RNGTT: variants seen among roughly 807,000 people sequenced by gnomAD.
RNGTT encodes the protein RNA guanylyltransferase and 5'-phosphatase.
RNGTT carries 33 observed loss-of-function variants against 79.3 expected under a neutral mutation model. The ratio of observed to expected loss-of-function variants is 0.42; its 90% CI spans 0.32 to 0.56. The LOEUF is 0.56. Ranked by LOEUF, RNGTT falls within the 20% of genes least tolerant of loss-of-function variation. The pLI is 0.17. For synonymous variants in RNGTT, 222 were observed against 235.9 expected (o/e 0.94, Z 0.54); for missense variants, 497 against 739.1 (o/e 0.67, Z 3.80).
intron 12 of RNGTT, among the ~76,000 whole-genome samples, chr6:88,775,084 T>G (rs1027378314): frequency 2.0e-5 from 3 of 152,186 alleles, no homozygotes; most frequent in African/African-American, 7.2e-5. Flanking sequence ...TGGAATGCAT[T>G]TACTCAACAG....
Position 88,891,708 on chromosome 6 carries a change from A to T in RNGTT, c.794+98T>A, listed in dbSNP as rs568254186. On this transcript the variant is annotated intron_variant, in intron 7 of 15. Coordinates refer to ENST00000369485, the MANE Select transcript of RNGTT (RefSeq NM_003800.5). The stretch of plus-strand genomic sequence containing the variant: ...ACCTTTAAAGTATTCTATTGCAAAC[A>T]TACTAACTTCAAGGAGCCAAGAAGA... 8.9e-6 allele frequency: 6 copies of T among 677,382 alleles called. No homozygotes were observed. The African/African-American group carries it at 1.1e-4, about 13-fold the overall frequency. 42.0% of individuals were successfully genotyped at this position (677,382 alleles called of 1,614,324 possible). A position where few individuals can be genotyped will look rare whatever the true frequency, so the allele number is the denominator to read the frequency against.
At position 88,812,805 on chromosome 6, in the gene RNGTT, T is replaced by C. The variant is rs903501360; in HGVS notation, c.1270-11173A>G. Reference sequence around the variant, plus strand: ...AATATGGACCTAAATACACATAAAATAGTTTTTTTACCTTAAATGCTTTCA... The same window carrying C: ...AATATGGACCTAAATACACATAAAACAGTTTTTTTACCTTAAATGCTTTCA... On this transcript the variant is annotated intron_variant, in intron 11 of 15. Coordinates refer to ENST00000369485, the MANE Select transcript of RNGTT (RefSeq NM_003800.5). Among the ~76,000 whole-genome samples, 3 of 152,230 alleles carry C rather than the reference T, an allele frequency of 2.0e-5. No homozygotes were observed. The East Asian group carries it at 5.8e-4, about 29-fold the overall frequency.
At chr6:88,821,338 A>G (rs751541232) in intron 11 of RNGTT, among the ~76,000 whole-genome samples, 1 of 152,200 alleles carries the variant, frequency 6.6e-6, no homozygotes, top group Non-Finnish European at 1.5e-5. Flanking sequence ...GTCTGCTTAG[A>G]AACACTAAAG....
In RNGTT at chr6:88,748,205, T is replaced by C. The variant is rs556584612; in HGVS notation, c.1439+21569A>G. Among the ~76,000 whole-genome samples the C allele has an allele frequency of 3.3e-5, 5 of 152,234 alleles. No individual in the cohort carries two copies. The South Asian group carries it at 8.3e-4, about 25-fold the overall frequency. ...AAAAAGTCAAATCGAATGTCAGTTATCATCCTGAAACCCAGCAATGCCTCC... is the reference window on the plus strand; with the variant it reads ...AAAAAGTCAAATCGAATGTCAGTTACCATCCTGAAACCCAGCAATGCCTCC... On this transcript the variant is annotated intron_variant, in intron 13 of 15. Coordinates refer to ENST00000369485, the MANE Select transcript of RNGTT (RefSeq NM_003800.5).
At position 88,678,392 on chromosome 6, in the gene RNGTT, C is replaced by A; in HGVS notation, c.1467G>T (p.Leu489=). 1 of 1,470,268 alleles carries A rather than the reference C, an allele frequency of 6.8e-7. No individual in the cohort carries two copies. The highest frequency in any genetic ancestry group is 1.6e-5 in the South Asian group (1 of 64,308). The allele number at this position is 1,470,268 out of a possible 1,614,324, so 91.1% of individuals were successfully genotyped here. ...AGGGTCTTTCATAACCTCCAACATA[C>A]AGGAGGCCAACATTCTGAGGAAGTA... ...EGLLPQNVGL[L]YVGGYERPFA... The change falls in exon 14 of 16, where the codon CTG becomes CTT. Residue 489 remains leucine (L), a synonymous_variant. Coordinates refer to ENST00000369485, the MANE Select transcript of RNGTT (RefSeq NM_003800.5).
Position 88,614,344 on chromosome 6 carries a change from C to G in RNGTT, c.1558G>C (p.Glu520Gln). ...CTCATGAAGACCCAGCTGTTGTTCT[C>G]AAATTTGCATTCTATAATTTTGTTG... ...YDNKIIECKF[E>Q]NNSWVFMRQR... The change falls in exon 15 of 16, where the codon GAG (glutamate) becomes CAG (glutamine). Residue 520 changes from glutamate (E) to glutamine (Q), a missense_variant. Glu to Gln is a conservative substitution (Grantham distance 29). This residue lies in a region of RNGTT where 440 missense variants were observed against 671.5 expected (regional missense o/e 0.66). Transcript: ENST00000369485. The G allele has an allele frequency of 6.2e-7, 1 of 1,613,746 alleles. No individual in the cohort carries two copies. Among genetic ancestry groups the G allele is most frequent in the South Asian group, 1.1e-5 (1 of 91,062 alleles).
intron 13 of RNGTT, among the ~76,000 whole-genome samples, chr6:88,699,022 T>C (rs999238055): frequency 5.3e-5 from 8 of 152,196 alleles, no homozygotes; most frequent in African/African-American, 1.9e-4. Context: ...AGGATCACTC[T>C]TTATAAGTGA....
intron 14 of RNGTT, among the ~76,000 whole-genome samples, chr6:88,648,232 A>G (rs1249210578): frequency 1.3e-5 from 2 of 152,120 alleles, no homozygotes; most frequent in African/African-American, 4.8e-5. Context: ...CATCCATGGC[A>G]ATGACCATTT....
chr6:88,771,315 G>GTGTGTGTATATATA lies in RNGTT; in HGVS notation c.1339-1442_1339-1441insTATATATACACACA, dbSNP rs1303688973. ...ACTGTATGTATGTATGTGTGTGTGT[G>GTGTGTGTATATATA]TATATATATATATATATATATATAT... On this transcript the variant is annotated intron_variant, in intron 12 of 15. Coordinates refer to ENST00000369485, the MANE Select transcript of RNGTT (RefSeq NM_003800.5). 8.5e-3 allele frequency among the ~76,000 whole-genome samples: 528 copies of GTGTGTGTATATATA among 61,798 alleles called. 6 individuals are homozygous for GTGTGTGTATATATA. Among genetic ancestry groups the GTGTGTGTATATATA allele is most frequent in the Non-Finnish European group, 0.013 (431 of 33,110 alleles). 40.5% of individuals were successfully genotyped at this position (61,798 alleles called of 152,430 possible).
Position 88,612,645 on chromosome 6 carries a change from C to G in RNGTT, c.*74G>C. The G allele has an allele frequency of 1.5e-5, 19 of 1,248,408 alleles. No individual in the cohort carries two copies. Among genetic ancestry groups the G allele is most frequent in the East Asian group, 2.8e-5 (1 of 35,502 alleles). 77.3% of individuals were successfully genotyped at this position (1,248,408 alleles called of 1,614,324 possible). Reference sequence around the variant, plus strand: ...AAGCCACAGTCGTTTTTCAATTTCTCTGGCTACAAAAATGGGCAACAGCGT... The same window carrying G: ...AAGCCACAGTCGTTTTTCAATTTCTGTGGCTACAAAAATGGGCAACAGCGT... On this transcript the variant is annotated 3_prime_UTR_variant, in exon 16 of 16. Transcript: ENST00000369485.
At chr6:88,813,899 AT>A (rs1452908726) in intron 11 of RNGTT, among the ~76,000 whole-genome samples, 2 of 152,302 alleles carry the variant, frequency 1.3e-5, no homozygotes, top group Middle Eastern at 3.4e-3. Flanking sequence ...TCTTACATTC[AT>A]TGTATTTTCA....
intron 10 of RNGTT, among the ~76,000 whole-genome samples, chr6:88,844,835 C>T (rs1302363951): frequency 6.6e-6 from 1 of 152,008 alleles, no homozygotes; most frequent in African/African-American, 2.4e-5. Context: ...CACCTGTAGT[C>T]CCAGCACTTT....
At chr6:88,666,144 T>C (rs531040220) in intron 14 of RNGTT, among the ~76,000 whole-genome samples, 34 of 152,262 alleles carry the variant, frequency 2.2e-4, no homozygotes, top group African/African-American at 5.1e-4. Context: ...ATGGAACCAT[T>C]TGAATGGGGG....
chr6:88,912,005 C>T (rs1444379926), intron 4 of RNGTT, among the ~76,000 whole-genome samples: 1 of 152,018 alleles, frequency 6.6e-6, no homozygotes, highest in Non-Finnish European at 1.5e-5. Context: ...ATTGCTTGAA[C>T]CCAGGAGGTC....
chr6:88,739,725 TTATATATATATATATATATATATATATA>T (rs367967175), intron 13 of RNGTT, among the ~76,000 whole-genome samples: 4,087 of 94,154 alleles, frequency 0.043, 216 homozygotes, highest in Non-Finnish European at 0.049. Context: ...GTGAAAAAAA[TTATATATATATATATATATATATATATA>T]TATATATATA....
At position 88,714,569 on chromosome 6, in the gene RNGTT, A is replaced by T. The variant is rs1776437790; in HGVS notation, c.1440-36150T>A. Reference sequence around the variant, plus strand: ...GCCATTCTCCTGCCTCAGCCTCCCAAGTAGCTGGGACTACAGGCGCCCGCC... The same window carrying T: ...GCCATTCTCCTGCCTCAGCCTCCCATGTAGCTGGGACTACAGGCGCCCGCC... On this transcript the variant is annotated intron_variant, in intron 13 of 15. Transcript: ENST00000369485. 1.7e-5 allele frequency: 2 copies of T among 118,740 alleles called. 1 individual carries two copies. Among genetic ancestry groups the T allele is most frequent in the South Asian group, 5.1e-4 (2 of 3,892 alleles). The allele number at this position is 118,740 out of a possible 1,614,324, so 7.4% of individuals were successfully genotyped here.
At chr6:88,825,709 T>C (rs1014200321) in intron 11 of RNGTT, among the ~76,000 whole-genome samples, 1 of 152,264 alleles carries the variant, frequency 6.6e-6, no homozygotes, top group African/African-American at 2.4e-5. Flanking sequence ...TGTGTTCTAT[T>C]GGTCTTCTAC....
At chr6:88,734,808 A>G (rs901905950) in intron 13 of RNGTT, among the ~76,000 whole-genome samples, 13 of 152,168 alleles carry the variant, frequency 8.5e-5, no homozygotes, top group African/African-American at 3.1e-4. Context: ...ACAGTATTCA[A>G]TAAGCTACAT....
At chr6:88,699,188 A>C (rs1281842680) in intron 13 of RNGTT, among the ~76,000 whole-genome samples, 1 of 152,200 alleles carries the variant, frequency 6.6e-6, no homozygotes, top group Non-Finnish European at 1.5e-5. Flanking sequence ...CTCAGCAAAA[A>C]TGTGAAAAGT....
Sources: allele counts gnomAD v4.1 joint callset (sites outside exome capture counted in the v4.1 genomes callset), GRCh38; gene constraint gnomAD v4.1.1; regional missense constraint gnomAD v4.1.1; transcripts MANE v1.5; gene names NCBI Gene and HGNC (gene_info 2026-07-23, HGNC 2026-07-21).